Variants in L3MBTL4 observed in about 807,000 individuals in gnomAD.
L3MBTL4 encodes the protein L3MBTL histone methyl-lysine binding protein 4.
In L3MBTL4, 70 loss-of-function variants were observed where a neutral mutation model predicts 84.5. That is an observed-to-expected ratio of 0.83 (90% CI 0.68 to 1.01). The LOEUF (loss-of-function observed/expected upper bound fraction) is 1.01, where lower values mean the gene tolerates loss of function less well. L3MBTL4 is among the 50% of genes least tolerant of loss of function. The pLI, the probability that L3MBTL4 is intolerant of heterozygous loss-of-function variation, is 0.00. For synonymous variants in L3MBTL4, 274 were observed against 259.8 expected (o/e 1.05, Z -0.52); for missense variants, 715 against 754.8 (o/e 0.95, Z 0.62).
In L3MBTL4 at chr18:6,221,186, T is replaced by A. The variant is rs563492268; in HGVS notation, c.785-5351A>T. The stretch of plus-strand genomic sequence containing the variant: ...CTTTCTAAAGAATTGAGCTCATGAA[T>A]CAATAGCACAAGTCCTTAAGTTCCT... On this transcript the variant is annotated intron_variant, in intron 10 of 18. Coordinates refer to ENST00000317931, the MANE Select transcript of L3MBTL4 (RefSeq NM_001330559.2). 1.2e-4 allele frequency among the ~76,000 whole-genome samples: 19 copies of A among 152,270 alleles called. No homozygotes were observed. The South Asian group carries it at 3.9e-3, about 32-fold the overall frequency.
chr18:6,019,306 A>G (rs1023541182), intron 16 of L3MBTL4, among the ~76,000 whole-genome samples: 2 of 152,150 alleles, frequency 1.3e-5, no homozygotes, highest in Admixed American at 1.3e-4. Flanking sequence ...ATAATTCCCT[A>G]AGTTGTGGTA....
chr18:6,324,771 G>A (rs2051627410), intron 1 of L3MBTL4, among the ~76,000 whole-genome samples: 1 of 152,098 alleles, frequency 6.6e-6, no homozygotes, highest in South Asian at 2.1e-4. Context: ...ATCATGAGTG[G>A]CCTAAAGATC....
At chr18:6,121,425 A>T (rs556747674) in intron 14 of L3MBTL4, among the ~76,000 whole-genome samples, 1 of 152,374 alleles carries the variant, frequency 6.6e-6, no homozygotes, top group African/African-American at 2.4e-5. Context: ...ATAACAACAG[A>T]AATTGGAATA....
chr18:6,179,510 A>G (rs569327563), intron 12 of L3MBTL4, among the ~76,000 whole-genome samples: 1 of 152,340 alleles, frequency 6.6e-6, no homozygotes, highest in South Asian at 2.1e-4. Flanking sequence ...GGGTTCAGGG[A>G]TAGTACTGAG....
chr18:6,066,630 A>T (rs2057407378), intron 16 of L3MBTL4, among the ~76,000 whole-genome samples: 1 of 151,942 alleles, frequency 6.6e-6, no homozygotes, highest in African/African-American at 2.4e-5. Context: ...GTCTTTTTTT[A>T]ACTGTTGTTG....
chr18:5,980,815 G>C (rs1322995747), intron 16 of L3MBTL4, among the ~76,000 whole-genome samples: 1 of 152,150 alleles, frequency 6.6e-6, no homozygotes, highest in African/African-American at 2.4e-5. Context: ...TAGGAGTTGT[G>C]CATATTTCCA....
chr18:6,259,068 G>C (rs1337404243), intron 5 of L3MBTL4: 2 of 152,310 alleles, frequency 1.3e-5, no homozygotes, highest in Middle Eastern at 3.2e-3. Flanking sequence ...GAGGCAGAGT[G>C]CCCGGGGGGA....
At chr18:6,206,690 G>A (rs1464548392) in intron 12 of L3MBTL4, among the ~76,000 whole-genome samples, 3 of 152,152 alleles carry the variant, frequency 2.0e-5, no homozygotes, top group Non-Finnish European at 2.9e-5. Context: ...CAGGGGCTTG[G>A]CTACTTTCAC....
intron 16 of L3MBTL4, among the ~76,000 whole-genome samples, chr18:6,054,551 C>T (rs958161597): frequency 6.6e-6 from 1 of 152,190 alleles, no homozygotes; most frequent in Non-Finnish European, 1.5e-5. Flanking sequence ...CCCGCCCCTT[C>T]CCTGACACTT....
intron 13 of L3MBTL4, among the ~76,000 whole-genome samples, chr18:6,156,356 C>G (rs1360449044): frequency 6.6e-6 from 1 of 152,074 alleles, no homozygotes; most frequent in African/African-American, 2.4e-5. Context: ...TTAGAGATAC[C>G]AAATAAATCT....
At chr18:6,001,985 G>A (rs1334292135) in intron 16 of L3MBTL4, among the ~76,000 whole-genome samples, 2 of 152,112 alleles carry the variant, frequency 1.3e-5, no homozygotes, top group Non-Finnish European at 2.9e-5. Flanking sequence ...GACCCACAAT[G>A]AGACATACTA....
intron 16 of L3MBTL4, among the ~76,000 whole-genome samples, chr18:6,053,471 A>G (rs2056905465): frequency 6.6e-6 from 1 of 152,212 alleles, no homozygotes; most frequent in Admixed American, 6.5e-5. Context: ...GATAACTGGT[A>G]CTATCACAAA....
At chr18:6,356,809 T>G (rs933181214) in intron 1 of L3MBTL4, 19 of 152,178 alleles carry the variant, frequency 1.2e-4, no homozygotes, top group Admixed American at 1.2e-3. Context: ...ATACTTAAGC[T>G]ATGCCAAATT....
At chr18:6,065,487 GT>G (rs1383148348) in intron 16 of L3MBTL4, among the ~76,000 whole-genome samples, 1 of 151,570 alleles carries the variant, frequency 6.6e-6, no homozygotes, top group African/African-American at 2.4e-5. Context: ...GGACTTTTTT[GT>G]TGTTGACGGC....
At chr18:6,253,596 T>C (rs146405507) in intron 5 of L3MBTL4, among the ~76,000 whole-genome samples, 1 of 152,360 alleles carries the variant, frequency 6.6e-6, no homozygotes, top group Non-Finnish European at 1.5e-5. Context: ...AAATTTTCCA[T>C]AATGCTAATT....
At chr18:5,966,679 C>T (rs2052369169) in intron 17 of L3MBTL4, among the ~76,000 whole-genome samples, 1 of 152,148 alleles carries the variant, frequency 6.6e-6, no homozygotes, top group Non-Finnish European at 1.5e-5. Context: ...CCATGAGTCA[C>T]GTGTCCAATA....
intron 1 of L3MBTL4, among the ~76,000 whole-genome samples, chr18:6,391,752 A>AACAAATACTACTACTACTACTACTACT (rs1555755552): frequency 6.7e-6 from 1 of 150,006 alleles, no homozygotes; most frequent in African/African-American, 2.5e-5. Context: ...CAACAACAAC[A>AACAAATACTACTACTACTACTACTACT]ACTACTACTA....
intron 1 of L3MBTL4, among the ~76,000 whole-genome samples, chr18:6,331,708 G>A (rs761257090): frequency 4.9e-4 from 75 of 152,144 alleles, no homozygotes; most frequent in Non-Finnish European, 7.1e-4. Context: ...TTTAAAAAGA[G>A]CAAATGTGAA....
chr18:6,033,212 T>C (rs2055925084), intron 16 of L3MBTL4, among the ~76,000 whole-genome samples: 1 of 152,250 alleles, frequency 6.6e-6, no homozygotes, highest in Admixed American at 6.5e-5. Flanking sequence ...TGGTATTAAA[T>C]ATTTTATTAA....
Sources: gnomAD v4.1 joint callset for allele counts (sites outside exome capture counted in the v4.1 genomes callset) on GRCh38, gnomAD v4.1.1 for gene constraint, MANE v1.5 for transcripts, NCBI Gene and HGNC (gene_info 2026-07-23, HGNC 2026-07-21) for gene names.